Variants in RYR1 observed in about 807,000 individuals in gnomAD.
The protein encoded by RYR1 is ryanodine receptor 1, also known as central core disease of muscle.
RYR1 carries 342 observed loss-of-function variants against 583.5 expected under a neutral mutation model. That is an observed-to-expected ratio of 0.59 (90% CI 0.54 to 0.64). The LOEUF (loss-of-function observed/expected upper bound fraction) is 0.64, where lower values mean the gene tolerates loss of function less well. Ranked by LOEUF, RYR1 falls within the 30% of genes least tolerant of loss-of-function variation. The pLI, the probability that RYR1 is intolerant of heterozygous loss-of-function variation, is 0.00. For missense variants in RYR1, 6,032 were observed against 6,917.2 expected (o/e 0.87, Z 4.54); for synonymous variants, 2,791 against 2,822.5 (o/e 0.99, Z 0.35).
At position 38,572,979 on chromosome 19, in the gene RYR1, G is replaced by C. The variant is rs117175310; in HGVS notation, c.13999-198G>C. ...CCCTGCCTGTGCCTCCCCCATCCCT[G>C]CCCTGACCCCTCTGCCCATGTTCCC... On this transcript the variant is annotated intron_variant, in intron 95 of 105. Transcript: ENST00000359596. Among the ~76,000 whole-genome samples the C allele has an allele frequency of 0.035, 5,045 of 143,820 alleles. 171 individuals carry two copies. Among genetic ancestry groups the C allele is most frequent in the East Asian group, 0.1 (510 of 4,886 alleles). The allele number at this position is 143,820 out of a possible 152,430, so 94.4% of individuals were successfully genotyped here. A position where few individuals can be genotyped will look rare whatever the true frequency, so the allele number is the denominator to read the frequency against.
In RYR1 at chr19:38,510,693, A is replaced by C; in HGVS notation, c.9034A>C (p.Asn3012His). 1 of 1,613,780 alleles carries C rather than the reference A, an allele frequency of 6.2e-7. No homozygotes were observed. The highest frequency in any genetic ancestry group is 8.5e-7 in the Non-Finnish European group (1 of 1,179,976). Residue 3012 changes from asparagine (N) to histidine (H), a missense_variant, in exon 60 of 106, where the codon AAC becomes CAC. This residue lies in a region of RYR1 where 1,493 missense variants were observed against 1,715.5 expected (regional missense o/e 0.87). Coordinates refer to ENST00000359596, the MANE Select transcript of RYR1 (RefSeq NM_000540.3). ...CCCTTTGATCAACCAGTACTTCACCAACCACTGCCTCTATTTCTTGTCCAC... is the reference window on the plus strand; with the variant it reads ...CCCTTTGATCAACCAGTACTTCACCCACCACTGCCTCTATTTCTTGTCCAC... ...LLPLINQYFT[N>H]HCLYFLSTPA...
rs1971534694 is a variant in RYR1 at position 38,527,764 on chromosome 19, G to A, written c.10804G>A (p.Val3602Met). 3 of 1,614,024 alleles carry A rather than the reference G, an allele frequency of 1.9e-6. No homozygotes were observed. The highest frequency in any genetic ancestry group is 2.2e-5 in the East Asian group (1 of 44,860). Residue 3602 changes from valine to methionine, a missense_variant, in exon 73 of 106, where the codon GTG (valine) becomes ATG (methionine). Physicochemically the swap from Val to Met is conservative, Grantham distance 21. This residue lies in a region of RYR1 where 1,493 missense variants were observed against 1,715.5 expected (regional missense o/e 0.87). Transcript: ENST00000359596. ...IVRRVQEVSAVLYYLDQTEHP... is the reference protein window; with the variant it reads ...IVRRVQEVSAMLYYLDQTEHP... ...GCGCAGAGTCCAGGAAGTGTCAGCCGTGCTCTACTACCTGGACCAGGTGGG... is the reference window on the plus strand; with the variant it reads ...GCGCAGAGTCCAGGAAGTGTCAGCCATGCTCTACTACCTGGACCAGGTGGG...
intron 101 of RYR1, among the ~76,000 whole-genome samples, chr19:38,581,956 G>A (rs781473918): frequency 2.8e-4 from 42 of 152,096 alleles, no homozygotes; most frequent in African/African-American, 9.2e-4. Flanking sequence ...CTCAGGGAGC[G>A]TGCCCCTGCC....
At position 38,512,045 on chromosome 19, in the gene RYR1, T is replaced by A; in HGVS notation, c.9173-27T>A. ...GTCCTCTGTCCTCTTAGCCATGGCA[T>A]CCCCCCGGCCCATCTTCCTCTCCCA... On this transcript the variant is annotated intron_variant, in intron 61 of 105. Transcript: ENST00000359596. This position sits in a 1 kb window ranked among gnomAD's most constrained non-coding sequence, Gnocchi z 5.1. The A allele has an allele frequency of 6.2e-7, 1 of 1,610,660 alleles. No homozygotes were observed. Among genetic ancestry groups the A allele is most frequent in the Non-Finnish European group, 8.5e-7 (1 of 1,178,394 alleles).
At chr19:38,524,004 C>A in intron 70 of RYR1, 75 bp downstream of exon 70, 1 of 1,563,048 alleles carries the variant, frequency 6.4e-7, no homozygotes, top group Non-Finnish European at 8.8e-7. Flanking sequence ...CACGCCCCCG[C>A]CTCGAGAAAA....
In RYR1 at chr19:38,501,275, G is replaced by A. The variant is rs562551461; in HGVS notation, c.7614+285G>A. 1.4e-3 allele frequency among the ~76,000 whole-genome samples: 213 copies of A among 152,208 alleles called. 2 individuals carry two copies. The highest frequency in any genetic ancestry group is 4.5e-3 in the African/African-American group (186 of 41,524). ...AGCACTTTGGGGAGCCGAGGCGAGC[G>A]GATCACAAGGTCAGGAGTTCGAGAC... On this transcript the variant is annotated intron_variant, in intron 47 of 105. Coordinates refer to ENST00000359596, the MANE Select transcript of RYR1 (RefSeq NM_000540.3).
In RYR1 at chr19:38,502,794, GGGGCAGGGGC is replaced by G. The variant is rs1568506602; in HGVS notation, c.7835+68_7836-76del. On this transcript the variant is annotated intron_variant, in intron 48 of 105. Coordinates refer to ENST00000359596, the MANE Select transcript of RYR1 (RefSeq NM_000540.3). ...AGGGGCAGGGGCAGGGGCAGGGGCA[GGGGCAGGGGC>G]AGGGGGAGGAGCAGGGGCAGGGGCA... 146 of 1,098,194 alleles carry G rather than the reference GGGGCAGGGGC, an allele frequency of 1.3e-4. 3 individuals carry two copies. Among genetic ancestry groups the G allele is most frequent in the African/African-American group, 7.8e-4 (35 of 44,628 alleles). 68.0% of individuals were successfully genotyped at this position (1,098,194 alleles called of 1,614,324 possible).
At position 38,500,005 on chromosome 19, in the gene RYR1, C is replaced by T; in HGVS notation, c.7312C>T (p.Pro2438Ser). ...ALIDLLGRCAPEMHLIQAGKG... is the reference protein window; with the variant it reads ...ALIDLLGRCASEMHLIQAGKG... ...GATCGACCTGCTCGGACGCTGTGCA[C>T]CAGAGATGCATGTGAGACCCTGAGC... Residue 2438 changes from proline (P) to serine (S), a missense_variant, in exon 45 of 106, where the codon CCA (proline) becomes TCA (serine). This residue lies in a region of RYR1 where 2,627 missense variants were observed against 2,961.3 expected (regional missense o/e 0.89). Transcript: ENST00000359596. This position sits in a 1 kb window ranked among gnomAD's most constrained non-coding sequence, Gnocchi z 5.9. The T allele has an allele frequency of 6.2e-7, 1 of 1,613,906 alleles. No homozygotes were observed. Among genetic ancestry groups the T allele is most frequent in the East Asian group, 2.2e-5 (1 of 44,886 alleles).
chr19:38,505,286 C>T (rs755000360), intron 52 of RYR1, 23 bp from the exon 53 acceptor site: 6 of 1,559,634 alleles, frequency 3.8e-6, no homozygotes, highest in Non-Finnish European at 5.3e-6. Context: ...CTCCCCCTCA[C>T]CCTGCCTCCC....
chr19:38,455,405 C>A (rs377420195), intron 14 of RYR1, 35 bp downstream of exon 14: 2 of 1,613,974 alleles, frequency 1.2e-6, no homozygotes, highest in East Asian at 2.2e-5. Context: ...CTGAGAACAC[C>A]CCAGATCCCC....
chr19:38,494,412 A>G lies in RYR1; in HGVS notation c.6335A>G (p.Gln2112Arg). ...CGCTGGGCCCAAGAGGACTTCGTGC[A>G]GAGCCCCGAGCTGGTGCGGGCCATG... ...VVRWAQEDFV[Q>R]SPELVRAMFS... The change falls in exon 39 of 106, where the codon CAG becomes CGG. Residue 2112 changes from glutamine to arginine, a missense_variant. Gln to Arg is a conservative substitution (Grantham distance 43). Around this residue, in one of 11 missense-constraint regions of RYR1, gnomAD observed 2,627 missense variants for 2,961.3 expected, o/e 0.89. Transcript: ENST00000359596. 3 of 1,612,102 alleles carry G rather than the reference A, an allele frequency of 1.9e-6. No individual in the cohort carries two copies. The highest frequency in any genetic ancestry group is 1.7e-5 in the Admixed American group (1 of 60,024).
intron 3 of RYR1, 150 bp from the exon 4 acceptor site, chr19:38,443,408 G>C: frequency 2.9e-6 from 2 of 697,302 alleles, no homozygotes; most frequent in Non-Finnish European, 2.6e-6. Flanking sequence ...AGAGAGTCCT[G>C]CAGGAGTCTG....
In RYR1 at chr19:38,580,376, A is replaced by T. The variant is rs933599635; in HGVS notation, c.14518A>T (p.Met4840Leu). Residue 4840 changes from methionine (M) to leucine (L), a missense_variant, in exon 101 of 106, where the codon ATG (methionine) becomes TTG (leucine). Around this residue, in one of 11 missense-constraint regions of RYR1, gnomAD observed 189 missense variants for 350.3 expected, o/e 0.54. Coordinates refer to ENST00000359596, the MANE Select transcript of RYR1 (RefSeq NM_000540.3). ...SVTHNGKQLV[M>L]TVGLLAVVVY... ...GGCCCCATCCTGCCCCCAGCTGGTG[A>T]TGACCGTGGGCCTTCTGGCGGTGGT... The T allele has an allele frequency of 1.9e-6, 3 of 1,614,026 alleles. No homozygotes were observed. The highest frequency in any genetic ancestry group is 2.5e-6 in the Non-Finnish European group (3 of 1,179,998).
chr19:38,578,751 A>G (rs532435858), intron 99 of RYR1, among the ~76,000 whole-genome samples: 1 of 152,212 alleles, frequency 6.6e-6, no homozygotes, highest in African/African-American at 2.4e-5. Flanking sequence ...AGATCGCACC[A>G]CTGCACTCCA....
intron 31 of RYR1, among the ~76,000 whole-genome samples, chr19:38,481,957 G>A (rs964996133): frequency 1.3e-4 from 19 of 151,994 alleles, no homozygotes; most frequent in African/African-American, 4.4e-4. Flanking sequence ...GCGTGGTGAC[G>A]GGCGCCTGTA....
rs1032892846 is a variant in RYR1, at chr19:38,485,697, C to T, written c.5042C>T (p.Ala1681Val). 9 of 1,611,234 alleles carry T rather than the reference C, an allele frequency of 5.6e-6. No individual in the cohort carries two copies. Among genetic ancestry groups the T allele is most frequent in the South Asian group, 1.1e-5 (1 of 91,054 alleles). The stretch of plus-strand genomic sequence containing the variant: ...TGCGCCCTGGGCAACAATCGCGTGG[C>T]GCACGCTCTGTGCAGCCACGTAGAC... ...AVCALGNNRVAHALCSHVDQA... is the reference protein window; with the variant it reads ...AVCALGNNRVVHALCSHVDQA... Residue 1681 changes from alanine to valine, a missense_variant, in exon 34 of 106, where the codon GCG becomes GTG. Transcript: ENST00000359596.
At chr19:38,445,344 A>G (rs1429698579) in intron 7 of RYR1, among the ~76,000 whole-genome samples, 1 of 151,672 alleles carries the variant, frequency 6.6e-6, no homozygotes, top group African/African-American at 2.4e-5. Flanking sequence ...CAAGACTCCA[A>G]TCTTCAGCCC....
intron 96 of RYR1, among the ~76,000 whole-genome samples, chr19:38,574,509 G>A (rs1193608865): frequency 2.0e-5 from 3 of 152,034 alleles, no homozygotes; most frequent in Non-Finnish European, 4.4e-5. Flanking sequence ...GCGCATGCCT[G>A]TAGTCTTAGC....
intron 1 of RYR1, among the ~76,000 whole-genome samples, chr19:38,436,256 G>C (rs1004046600): frequency 1.3e-5 from 2 of 150,708 alleles, no homozygotes; most frequent in Admixed American, 1.3e-4. Flanking sequence ...GCCCAGGCTG[G>C]AGTACAGCAG....
Sources: allele counts gnomAD v4.1 joint callset (sites outside exome capture counted in the v4.1 genomes callset), GRCh38; gene constraint gnomAD v4.1.1; regional missense constraint gnomAD v4.1.1; non-coding constraint Gnocchi (gnomAD v3.1); transcripts MANE v1.5; gene names NCBI Gene and HGNC (gene_info 2026-07-23, HGNC 2026-07-21).